Variants in TMEM232 observed in about 807,000 individuals in gnomAD.
TMEM232 encodes transmembrane protein 232.
Under a neutral mutation model 78.8 loss-of-function variants are expected in TMEM232, and 80 were observed. The observed-to-expected ratio is 1.01, with a 90% confidence interval of 0.85 to 1.22. The LOEUF is 1.22. Among genes scored for constraint, TMEM232 ranks in the 50% most tolerant of loss-of-function variants. TMEM232 has a pLI of 0.00. For synonymous variants in TMEM232, 297 were observed against 254.3 expected (o/e 1.17, Z -1.60); for missense variants, 881 against 742.2 (o/e 1.19, Z -2.17).
upstream of TMEM232, among the ~76,000 whole-genome samples, chr5:110,730,373 C>T (rs1297218344): frequency 6.6e-6 from 1 of 152,190 alleles, no homozygotes; most frequent in Admixed American, 6.5e-5. Context: ...AATTTAACAA[C>T]TTTCTAGATG....
At chr5:110,518,867 A>C (rs1171086078) in intron 12 of TMEM232, among the ~76,000 whole-genome samples, 1 of 152,170 alleles carries the variant, frequency 6.6e-6, no homozygotes, top group Non-Finnish European at 1.5e-5. Context: ...CACAAAATAG[A>C]CCAAAGAAGT....
chr5:110,700,985 T>G (rs1795381390), intron 1 of TMEM232, among the ~76,000 whole-genome samples: 2 of 151,988 alleles, frequency 1.3e-5, no homozygotes, highest in African/African-American at 4.8e-5. Context: ...TCAAAACTTT[T>G]GCCTTTACAA....
chr5:110,480,530 G>A (rs1181042788), intron 12 of TMEM232, among the ~76,000 whole-genome samples: 3 of 152,046 alleles, frequency 2.0e-5, no homozygotes, highest in African/African-American at 7.2e-5. Flanking sequence ...GATTGCTTGA[G>A]AAAGGATTCT....
In TMEM232 at chr5:110,524,340, AG is replaced by A. The variant is rs1461373182; in HGVS notation, c.1703+4247del. On this transcript the variant is annotated intron_variant, in intron 12 of 13. Transcript: ENST00000455884. Reference sequence around the variant, plus strand: ...GGAAGGAAGGAAGGGAGAGAGAAAAAGAAAGAGAAAGAAAGAAAGAAAAAAA... The same window carrying A: ...GGAAGGAAGGAAGGGAGAGAGAAAAAAAAGAGAAAGAAAGAAAGAAAAAAA... Among the ~76,000 whole-genome samples, 123 of 139,718 alleles carry A rather than the reference AG, an allele frequency of 8.8e-4. 1 individual carries two copies. Among genetic ancestry groups the A allele is most frequent in the African/African-American group, 3.2e-3 (118 of 36,754 alleles). 91.7% of individuals were successfully genotyped at this position (139,718 alleles called of 152,430 possible).
intron 10 of TMEM232, among the ~76,000 whole-genome samples, chr5:110,576,674 T>C (rs1777607063): frequency 6.6e-6 from 1 of 152,034 alleles, no homozygotes; most frequent in Non-Finnish European, 1.5e-5. Flanking sequence ...ATGATACTGA[T>C]ACAAAAACAG....
chr5:110,619,590 C>A (rs564598649), intron 7 of TMEM232, among the ~76,000 whole-genome samples: 1 of 152,202 alleles, frequency 6.6e-6, no homozygotes, highest in South Asian at 2.1e-4. Flanking sequence ...TTAGAACACA[C>A]CACAGAAAAG....
At chr5:110,432,824 G>A (rs1758007580) in intron 12 of TMEM232, among the ~76,000 whole-genome samples, 1 of 151,552 alleles carries the variant, frequency 6.6e-6, no homozygotes, top group African/African-American at 2.4e-5. Context: ...CAAAAAGGAG[G>A]AAGAGCTACT....
At chr5:110,522,387 C>T (rs186377874) in intron 12 of TMEM232, among the ~76,000 whole-genome samples, 22 of 152,192 alleles carry the variant, frequency 1.4e-4, no homozygotes, top group Admixed American at 7.2e-4. Context: ...TTACTTCTTA[C>T]GTTCTGATAT....
intron 1 of TMEM232, among the ~76,000 whole-genome samples, chr5:110,713,054 C>G (rs1028773356): frequency 3.3e-5 from 5 of 151,694 alleles, no homozygotes; most frequent in Non-Finnish European, 5.9e-5. Context: ...TTTTTACACA[C>G]AATGGAGTAC....
intron 1 of TMEM232, among the ~76,000 whole-genome samples, chr5:110,705,303 G>T (rs1795816906): frequency 1.3e-5 from 2 of 152,116 alleles, no homozygotes; most frequent in African/African-American, 4.8e-5. Flanking sequence ...ATAGGGGCAG[G>T]ACTTAGGATA....
intron 11 of TMEM232, among the ~76,000 whole-genome samples, chr5:110,551,075 A>C (rs911162458): frequency 6.6e-6 from 1 of 152,136 alleles, no homozygotes; most frequent in Non-Finnish European, 1.5e-5. Flanking sequence ...ACAATGCCTA[A>C]AACATTTACT....
At chr5:110,503,035 T>C (rs1580965772) in intron 12 of TMEM232, among the ~76,000 whole-genome samples, 1 of 152,232 alleles carries the variant, frequency 6.6e-6, no homozygotes, top group East Asian at 1.9e-4. Context: ...TTGGGGAGCA[T>C]ATTTTTCTTG....
chr5:110,560,633 G>A (rs1331733800), intron 11 of TMEM232, among the ~76,000 whole-genome samples: 1 of 152,068 alleles, frequency 6.6e-6, no homozygotes, highest in Non-Finnish European at 1.5e-5. Flanking sequence ...AATAATTTTT[G>A]AGCTGACAAT....
At chr5:110,700,299 A>G (rs779715822) in intron 1 of TMEM232, among the ~76,000 whole-genome samples, 1 of 152,108 alleles carries the variant, frequency 6.6e-6, no homozygotes, top group East Asian at 1.9e-4. Context: ...GGAATTGTCA[A>G]AATGATTCTT....
chr5:110,663,148 GAATT>G (rs1009254373), intron 2 of TMEM232, among the ~76,000 whole-genome samples: 2 of 151,898 alleles, frequency 1.3e-5, no homozygotes, highest in African/African-American at 4.8e-5. Flanking sequence ...AAAATTAACA[GAATT>G]AATGGATAAT....
chr5:110,594,092 C>T (rs571127288), intron 10 of TMEM232, among the ~76,000 whole-genome samples: 2 of 151,960 alleles, frequency 1.3e-5, no homozygotes, highest in Non-Finnish European at 2.9e-5. Flanking sequence ...TTCTACATTT[C>T]TAACTGAAGT....
intron 11 of TMEM232, among the ~76,000 whole-genome samples, chr5:110,558,521 C>T (rs1775374617): frequency 6.6e-6 from 1 of 152,046 alleles, no homozygotes; most frequent in African/African-American, 2.4e-5. Context: ...CTCAGTTGAG[C>T]ATCTGAGGCT....
At chr5:110,391,347 G>A (rs73782448) in intron 3 of TMEM232, among the ~76,000 whole-genome samples, 26 of 150,610 alleles carry the variant, frequency 1.7e-4, no homozygotes, top group South Asian at 1.7e-3. Context: ...GAGAGAGAGA[G>A]AAACCTCTGT....
At chr5:110,463,591 G>A (rs989848718) in intron 12 of TMEM232, among the ~76,000 whole-genome samples, 6 of 151,892 alleles carry the variant, frequency 4.0e-5, no homozygotes, top group Admixed American at 6.6e-5. Flanking sequence ...ATTTAATTCC[G>A]GCTTTTCTTC....
Sources: allele counts gnomAD v4.1 joint callset (sites outside exome capture counted in the v4.1 genomes callset), GRCh38; gene constraint gnomAD v4.1.1; transcripts MANE v1.5; gene names NCBI Gene and HGNC (gene_info 2026-07-23, HGNC 2026-07-21).